The following CNOT1 variants were observed in gnomAD, a reference collection of about 807,000 sequenced individuals.
CNOT1 encodes the protein CCR4-associated factor 1.
A neutral mutation model predicts 273.8 loss-of-function variants in CNOT1; 15 were observed. The observed-to-expected ratio is 0.05, with a 90% CI of 0.04 to 0.08. The LOEUF (loss-of-function observed/expected upper bound fraction) is 0.08, where lower values mean the gene tolerates loss of function less well. Ranked by LOEUF, CNOT1 falls within the 10% of genes least tolerant of loss-of-function variation. CNOT1 has a pLI of 1.00. For missense variants in CNOT1, 1,644 were observed against 2,912.2 expected (o/e 0.56, Z 10.02); for synonymous variants, 1,022 against 1,005.5 (o/e 1.02, Z -0.31).
chr16:58,532,547 AG>A, intron 40 of CNOT1, 152 bp from the exon 41 acceptor site: 2 of 1,363,914 alleles, frequency 1.5e-6, no homozygotes, highest in Non-Finnish European at 1.9e-6. Context: ...GGCAGCCGAT[AG>A]GGTCATAAAT....
intron 1 of CNOT1, among the ~76,000 whole-genome samples, chr16:58,605,680 T>G (rs1476530636): frequency 6.6e-6 from 1 of 152,142 alleles, no homozygotes; most frequent in Non-Finnish European, 1.5e-5. Flanking sequence ...CTCTTTATTT[T>G]CCTTTTGAGA....
At chr16:58,554,403 A>G (rs893430904) in intron 21 of CNOT1, among the ~76,000 whole-genome samples, 1 of 152,180 alleles carries the variant, frequency 6.6e-6, no homozygotes, top group African/African-American at 2.4e-5. Flanking sequence ...TCAGCCAGGC[A>G]TGGTAGTTTA....
chr16:58,576,635 T>C, intron 13 of CNOT1, 53 bp from the exon 14 acceptor site: 1 of 1,606,926 alleles, frequency 6.2e-7, no homozygotes, highest in South Asian at 1.1e-5. Context: ...CTGTGATAGA[T>C]ATTATTACAA....
intron 1 of CNOT1, among the ~76,000 whole-genome samples, chr16:58,625,239 G>A (rs1401306094): frequency 6.6e-6 from 1 of 152,104 alleles, no homozygotes; most frequent in Non-Finnish European, 1.5e-5. Flanking sequence ...ACAGGCCTGG[G>A]CAGTGGCTCA....
chr16:58,585,571 T>C, intron 7 of CNOT1, 65 bp from the exon 8 acceptor site: 1 of 1,541,140 alleles, frequency 6.5e-7, no homozygotes, highest in South Asian at 1.3e-5. Context: ...TTTTGCTCTA[T>C]CCAAAATCCC....
Position 58,551,213 on chromosome 16 carries a change from T to C in CNOT1, c.3261A>G (p.Arg1087=). ...GGATATTTTCTGGGGGCTCCACAAT[T>C]CTCTCAGTTTGATCTGTGGCCACAA... The part of the protein sequence containing the change: ...TLLVATDQTE[R]IVEPPENIQE... Residue 1087 remains arginine, a synonymous_variant, in exon 24 of 49, where the codon AGA becomes AGG. Coordinates refer to ENST00000317147, the MANE Select transcript of CNOT1 (RefSeq NM_016284.5). The C allele has an allele frequency of 6.2e-7, 1 of 1,610,016 alleles. No homozygotes were observed.
Position 58,547,510 on chromosome 16 carries a change from T to A in CNOT1, c.3639+56A>T. The A allele has an allele frequency of 1.3e-6, 2 of 1,564,006 alleles. No individual in the cohort carries two copies. Among genetic ancestry groups the A allele is most frequent in the South Asian group, 2.4e-5 (2 of 84,082 alleles). On this transcript the variant is annotated intron_variant, in intron 26 of 48. Coordinates refer to ENST00000317147, the MANE Select transcript of CNOT1 (RefSeq NM_016284.5). This position sits in a 1 kb window ranked among gnomAD's most constrained non-coding sequence, Gnocchi z 4.0. ...TTAAATAGCTCCAAACAGCCAATAC[T>A]TGTAATCATAATGTGCTGAAGATTC...
chr16:58,618,206 G>A (rs544608116), intron 1 of CNOT1, among the ~76,000 whole-genome samples: 1 of 152,226 alleles, frequency 6.6e-6, no homozygotes, highest in South Asian at 2.1e-4. Context: ...GGAGGGTGAG[G>A]TGGGAAGACT....
intron 1 of CNOT1, among the ~76,000 whole-genome samples, chr16:58,612,522 T>G (rs1328291927): frequency 6.6e-6 from 1 of 152,056 alleles, no homozygotes; most frequent in Non-Finnish European, 1.5e-5. Context: ...GTGGATCACC[T>G]GAGGTCAGGA....
At chr16:58,618,028 A>G (rs924587448) in intron 1 of CNOT1, among the ~76,000 whole-genome samples, 5 of 152,198 alleles carry the variant, frequency 3.3e-5, no homozygotes, top group African/African-American at 7.2e-5. Flanking sequence ...GAAAAAATTG[A>G]CTTTCCACAT....
chr16:58,530,439 T>G, intron 42 of CNOT1, 92 bp from the exon 43 acceptor site: 1 of 793,620 alleles, frequency 1.3e-6, no homozygotes, highest in East Asian at 2.5e-5. Flanking sequence ...ACTTATCTTC[T>G]TCATGCTAAT....
chr16:58,579,766 T>A (rs571525272), intron 12 of CNOT1, among the ~76,000 whole-genome samples: 1 of 152,282 alleles, frequency 6.6e-6, no homozygotes, highest in South Asian at 2.1e-4. Context: ...ATGATCAAAG[T>A]ACTTGTACCA....
chr16:58,583,818 C>T lies in CNOT1; in HGVS notation c.807-636G>A, dbSNP rs570025715. Among the ~76,000 whole-genome samples the T allele has an allele frequency of 3.3e-5, 5 of 151,754 alleles. No homozygotes were observed. The East Asian group carries it at 9.8e-4, about 30-fold the overall frequency. On this transcript the variant is annotated intron_variant, in intron 8 of 48. Transcript: ENST00000317147. ...CCTCCCAAAGTGCTGGGATTACAGG[C>T]ATGAGCCACAATGCCCAGCCTGAAA...
chr16:58,548,272 C>G (rs1035678623), intron 25 of CNOT1, among the ~76,000 whole-genome samples: 1 of 152,142 alleles, frequency 6.6e-6, no homozygotes, highest in Non-Finnish European at 1.5e-5. Context: ...TTAACTGATT[C>G]TCCGGTTACT....
rs148292698 is a variant in CNOT1, at chr16:58,542,506, A to G, written c.4497T>C (p.Asn1499=). The change falls in exon 32 of 49, where the codon AAT becomes AAC. Residue 1499 remains asparagine (N), a synonymous_variant. Transcript: ENST00000317147. ...DQAAAQLAQD[N]CELACCFIQK... is the part of the protein sequence containing the mutation. ...GAATAAAACAGCAAGCCAACTCACA[A>G]TTGTCCTGAGCTAATTGAGCAGCTG... The G allele has an allele frequency of 2.1e-5, 31 of 1,481,416 alleles. No homozygotes were observed. The African/African-American group carries it at 4.2e-4, about 20-fold the overall frequency. The allele number at this position is 1,481,416 out of a possible 1,614,324, so 91.8% of individuals were successfully genotyped here.
chr16:58,530,443 T>A lies in CNOT1; in HGVS notation c.6178-96A>T. The A allele has an allele frequency of 5.1e-6, 4 of 780,668 alleles. No homozygotes were observed. In the South Asian group the frequency reaches 5.8e-5, roughly 11 times the overall value. 48.4% of individuals were successfully genotyped at this position (780,668 alleles called of 1,614,324 possible). The stretch of plus-strand genomic sequence containing the variant: ...CAGCTACACTGACTTATCTTCTTCA[T>A]GCTAATATAAGTAGAGAATACTAAT... On this transcript the variant is annotated intron_variant, in intron 42 of 48. Transcript: ENST00000317147.
chr16:58,614,345 A>C (rs1175121219), intron 1 of CNOT1, among the ~76,000 whole-genome samples: 1 of 124,316 alleles, frequency 8.0e-6, no homozygotes, highest in East Asian at 1.9e-4. Context: ...AGAGTGACTC[A>C]TTCGGCATAA....
At chr16:58,549,501 T>C (rs2040385386) in intron 25 of CNOT1, among the ~76,000 whole-genome samples, 1 of 152,188 alleles carries the variant, frequency 6.6e-6, no homozygotes, top group Non-Finnish European at 1.5e-5. Context: ...AAACAATTCA[T>C]AATAGTGGTT....
intron 1 of CNOT1, among the ~76,000 whole-genome samples, chr16:58,609,652 C>T (rs891183794): frequency 6.6e-5 from 10 of 151,814 alleles, no homozygotes; most frequent in Admixed American, 1.3e-4. Context: ...TTGTAGACAC[C>T]GGGTCTCACT....
Sources: allele counts gnomAD v4.1 joint callset (sites outside exome capture counted in the v4.1 genomes callset), GRCh38; gene constraint gnomAD v4.1.1; non-coding constraint Gnocchi (gnomAD v3.1); transcripts MANE v1.5; gene names NCBI Gene and HGNC (gene_info 2026-07-23, HGNC 2026-07-21).